Variants in MTUS2 observed in about 807,000 individuals in gnomAD.
MTUS2 encodes microtubule associated scaffold protein 2.
In MTUS2, 40 loss-of-function variants were observed where a neutral mutation model predicts 114.1. The observed-to-expected ratio is 0.35, with a 90% CI of 0.27 to 0.46. The LOEUF (loss-of-function observed/expected upper bound fraction) is 0.46, where lower values mean the gene tolerates loss of function less well. Ranked by LOEUF, MTUS2 falls within the 20% of genes least tolerant of loss-of-function variation. The pLI, the probability that MTUS2 is intolerant of heterozygous loss-of-function variation, is 1.00. For synonymous variants in MTUS2, 688 were observed against 672.0 expected (o/e 1.02, Z -0.37); for missense variants, 1,679 against 1,705.4 (o/e 0.98, Z 0.27).
rs941566618 is a variant in MTUS2, at chr13:29,162,381, G to C, written c.2644+61411G>C. On this transcript the variant is annotated intron_variant, in intron 5 of 15. Transcript: ENST00000612955. The stretch of plus-strand genomic sequence containing the variant: ...TTGGTTCTAGAATGTAATTTTCTTA[G>C]ATGCAGGACTCTTTTTTTTTGGTCC... Among the ~76,000 whole-genome samples, 3 of 152,254 alleles carry C rather than the reference G, an allele frequency of 2.0e-5. No individual in the cohort carries two copies. The East Asian group carries it at 5.8e-4, about 29-fold the overall frequency.
intron 8 of MTUS2, among the ~76,000 whole-genome samples, chr13:29,414,970 G>A (rs1043199271): frequency 1.4e-5 from 2 of 145,794 alleles, no homozygotes; most frequent in Non-Finnish European, 3.0e-5. Flanking sequence ...TGTCCGATAT[G>A]TTTCGGTTTG....
intron 2 of MTUS2, among the ~76,000 whole-genome samples, chr13:28,877,338 A>G (rs34362947): frequency 0.071 from 10,820 of 151,344 alleles, 625 homozygotes; most frequent in Admixed American, 0.12. Context: ...AAAAAGAAAA[A>G]CAGAACTTAT....
intron 2 of MTUS2, among the ~76,000 whole-genome samples, chr13:29,003,553 A>G (rs543030931): frequency 1.3e-5 from 2 of 152,310 alleles, no homozygotes; most frequent in East Asian, 1.9e-4. Flanking sequence ...TTCTGCCCCA[A>G]CTGTTTCTGG....
intron 2 of MTUS2, among the ~76,000 whole-genome samples, chr13:28,960,570 A>G (rs1883281889): frequency 6.6e-6 from 1 of 152,246 alleles, no homozygotes; most frequent in Non-Finnish European, 1.5e-5. Context: ...GATTTTGAAA[A>G]CATTATGCTG....
rs1593529268 is a variant in MTUS2, at chr13:29,504,670, A to G, written c.*1464A>G. The G allele has an allele frequency of 4.3e-6, 1 of 233,274 alleles. No individual in the cohort carries two copies. Among genetic ancestry groups the G allele is most frequent in the Non-Finnish European group, 8.5e-6 (1 of 118,024 alleles). The allele number at this position is 233,274 out of a possible 1,614,324, so 14.5% of individuals were successfully genotyped here. On this transcript the variant is annotated 3_prime_UTR_variant, in exon 16 of 16. Transcript: ENST00000612955. ...TGTAGTGGTGTGGAAGATTAGGAGC[A>G]TGATACACAAAAGGAAGAAGTAGTT...
At chr13:28,904,863 A>C (rs1304946737) in intron 2 of MTUS2, among the ~76,000 whole-genome samples, 3 of 151,756 alleles carry the variant, frequency 2.0e-5, no homozygotes, top group Non-Finnish European at 2.9e-5. Flanking sequence ...CATTTTCATG[A>C]TATTGATTCT....
At chr13:28,979,038 A>G (rs1884242539) in intron 2 of MTUS2, among the ~76,000 whole-genome samples, 1 of 152,214 alleles carries the variant, frequency 6.6e-6, no homozygotes, top group South Asian at 2.1e-4. Context: ...CTCCTCAGAG[A>G]CATCTGTAAC....
intron 6 of MTUS2, among the ~76,000 whole-genome samples, chr13:29,317,897 C>G (rs1398805792): frequency 1.3e-5 from 2 of 152,222 alleles, no homozygotes; most frequent in Non-Finnish European, 2.9e-5. Flanking sequence ...TCTGTCTTTT[C>G]TGATTACATC....
In MTUS2 at chr13:29,058,464, T is replaced by C. The variant is rs565634773; in HGVS notation, c.2446+24339T>C. ...ACACAGTTTCACATTTCTTGGAGGT[T>C]TTGTTCATTCTTCTTTATTGTTTTC... On this transcript the variant is annotated intron_variant, in intron 4 of 15. Transcript: ENST00000612955. Among the ~76,000 whole-genome samples, 7 of 152,006 alleles carry C rather than the reference T, an allele frequency of 4.6e-5. No homozygotes were observed. The South Asian group carries it at 1.5e-3, about 32-fold the overall frequency.
Position 28,884,824 on chromosome 13 carries a change from A to G in MTUS2, c.-243+44974A>G, listed in dbSNP as rs150693892. On this transcript the variant is annotated intron_variant, in intron 2 of 15. Transcript: ENST00000612955. ...TGTATAGTCATTTCAAAATAACACA[A>G]ATAACACATTTTTTTTGTTTATTTT... 6.3e-3 allele frequency among the ~76,000 whole-genome samples: 959 copies of G among 152,160 alleles called. 7 individuals are homozygous for G. Among genetic ancestry groups the G allele is most frequent in the Admixed American group, 9.5e-3 (146 of 15,296 alleles).
chr13:29,244,792 TA>T (rs1348633376), intron 5 of MTUS2, among the ~76,000 whole-genome samples: 1 of 149,936 alleles, frequency 6.7e-6, no homozygotes, highest in Non-Finnish European at 1.5e-5. Context: ...CCGTCTCTAC[TA>T]AAAATACAAA....
intron 2 of MTUS2, among the ~76,000 whole-genome samples, chr13:28,858,033 G>A (rs897084952): frequency 6.6e-6 from 1 of 152,196 alleles, no homozygotes; most frequent in African/African-American, 2.4e-5. Context: ...GAGCAGTGTG[G>A]TGCTCTGGAT....
chr13:29,438,561 T>C (rs376582447), intron 8 of MTUS2, among the ~76,000 whole-genome samples: 16 of 152,198 alleles, frequency 1.1e-4, no homozygotes, highest in African/African-American at 3.9e-4. Flanking sequence ...CCTCTAATTT[T>C]ATTCCTGAGG....
chr13:29,139,717 T>C (rs933668350), intron 5 of MTUS2, among the ~76,000 whole-genome samples: 1 of 152,178 alleles, frequency 6.6e-6, no homozygotes, highest in East Asian at 1.9e-4. Context: ...TGCAAAAATA[T>C]ACAATGATTA....
chr13:29,322,724 G>A (rs1354510720), intron 6 of MTUS2, among the ~76,000 whole-genome samples: 1 of 152,140 alleles, frequency 6.6e-6, no homozygotes, highest in Non-Finnish European at 1.5e-5. Flanking sequence ...GGATGGATGA[G>A]CCATGCTTAA....
intron 9 of MTUS2, among the ~76,000 whole-genome samples, chr13:29,468,027 G>C (rs1880010848): frequency 6.6e-6 from 1 of 151,986 alleles, no homozygotes; most frequent in Non-Finnish European, 1.5e-5. Context: ...GATGAGGTGG[G>C]AGGATCATGT....
intron 5 of MTUS2, among the ~76,000 whole-genome samples, chr13:29,140,805 G>T (rs1179365769): frequency 6.6e-6 from 1 of 152,112 alleles, no homozygotes; most frequent in Non-Finnish European, 1.5e-5. Flanking sequence ...TTCCCTCATG[G>T]GAAGTAGGCA....
chr13:29,412,883 G>A (rs923894031), intron 8 of MTUS2, among the ~76,000 whole-genome samples: 3 of 152,070 alleles, frequency 2.0e-5, no homozygotes, highest in African/African-American at 7.2e-5. Context: ...ATTTCTGGAG[G>A]CTCTGGGGCA....
At chr13:29,193,663 A>G (rs1405245798) in intron 5 of MTUS2, among the ~76,000 whole-genome samples, 1 of 152,210 alleles carries the variant, frequency 6.6e-6, no homozygotes, top group African/African-American at 2.4e-5. Context: ...AAATGGCCAT[A>G]CTGCCCAAGG....
Sources: gnomAD v4.1 joint callset for allele counts (sites outside exome capture counted in the v4.1 genomes callset) on GRCh38, gnomAD v4.1.1 for gene constraint, MANE v1.5 for transcripts, NCBI Gene and HGNC (gene_info 2026-07-23, HGNC 2026-07-21) for gene names.